The following SLC44A5 variants were observed in gnomAD, a reference collection of about 807,000 sequenced individuals.
The protein encoded by SLC44A5 is solute carrier family 44 member 5.
SLC44A5 carries 57 observed loss-of-function variants against 101.8 expected under a neutral mutation model. The ratio of observed to expected loss-of-function variants is 0.56; its 90% confidence interval spans 0.45 to 0.70. SLC44A5 has a LOEUF of 0.70. Ranked by LOEUF, SLC44A5 falls within the 30% of genes least tolerant of loss-of-function variation. The pLI is 0.00. For missense variants in SLC44A5, 737 were observed against 853.1 expected (o/e 0.86, Z 1.70); for synonymous variants, 281 against 290.9 (o/e 0.97, Z 0.35).
chr1:75,210,102 A>G (rs1018851424), intron 23 of SLC44A5, among the ~76,000 whole-genome samples: 2 of 151,888 alleles, frequency 1.3e-5, no homozygotes, highest in African/African-American at 4.8e-5. Flanking sequence ...GCTGGAATAC[A>G]GTGGCACTAT....
At chr1:75,238,172 T>A (rs1282171104) in intron 10 of SLC44A5, among the ~76,000 whole-genome samples, 8 of 149,034 alleles carry the variant, frequency 5.4e-5, no homozygotes, top group South Asian at 2.1e-4. Flanking sequence ...TTTTTTTTTT[T>A]AAATCCCAGC....
chr1:75,210,122 C>T (rs1258875829), intron 23 of SLC44A5, among the ~76,000 whole-genome samples: 1 of 151,918 alleles, frequency 6.6e-6, no homozygotes, highest in Non-Finnish European at 1.5e-5. Context: ...TCATAGCTCA[C>T]TGCAGCCTTG....
chr1:75,610,989 G>C (rs746735780), intron 1 of SLC44A5, 51 bp downstream of exon 1: 2 of 855,432 alleles, frequency 2.3e-6, no homozygotes, highest in Non-Finnish European at 2.8e-6. Context: ...TAACAAACTT[G>C]ACCAATTTTC....
At chr1:75,428,953 T>C (rs547804459) in intron 2 of SLC44A5, among the ~76,000 whole-genome samples, 1 of 152,318 alleles carries the variant, frequency 6.6e-6, no homozygotes, top group South Asian at 2.1e-4. Context: ...TTAAAGAGCA[T>C]ACACCATATA....
intron 2 of SLC44A5, among the ~76,000 whole-genome samples, chr1:75,421,407 A>T (rs569137975): frequency 3.9e-4 from 59 of 152,238 alleles, no homozygotes; most frequent in African/African-American, 1.3e-3. Context: ...CTAGTTAGAG[A>T]TTTTTATGTA....
At chr1:75,600,044 G>A (rs535848143) in intron 1 of SLC44A5, among the ~76,000 whole-genome samples, 2 of 152,242 alleles carry the variant, frequency 1.3e-5, no homozygotes, top group African/African-American at 2.4e-5. Context: ...AAGCTAGGTC[G>A]AAAGCAAGGA....
chr1:75,389,690 A>G (rs1217964101), intron 3 of SLC44A5, among the ~76,000 whole-genome samples: 2 of 152,202 alleles, frequency 1.3e-5, no homozygotes, highest in Admixed American at 1.3e-4. Flanking sequence ...TTATAGCACT[A>G]CATACCTATA....
chr1:75,699,671 T>G, the SLC44A5 span, among the ~76,000 whole-genome samples: 2 of 148,554 alleles, frequency 1.3e-5, no homozygotes, highest in Non-Finnish European at 3.0e-5. Flanking sequence ...TAACCTTAAA[T>G]GTAAATGAGC....
the SLC44A5 span, among the ~76,000 whole-genome samples, chr1:75,658,997 CT>C: frequency 6.6e-6 from 1 of 151,982 alleles, no homozygotes; most frequent in Non-Finnish European, 1.5e-5. Context: ...TTATAAACAT[CT>C]ATATGCCAAT....
intron 2 of SLC44A5, among the ~76,000 whole-genome samples, chr1:75,502,348 A>T (rs1307931668): frequency 6.6e-6 from 1 of 152,210 alleles, no homozygotes; most frequent in Non-Finnish European, 1.5e-5. Context: ...AACACTGATC[A>T]AAGGACAGAA....
intron 11 of SLC44A5, among the ~76,000 whole-genome samples, chr1:75,234,898 G>C (rs1339165525): frequency 6.6e-6 from 1 of 152,056 alleles, no homozygotes; most frequent in Non-Finnish European, 1.5e-5. Context: ...TTTCCTCAAA[G>C]AGAACTCATT....
At chr1:75,327,748 C>T (rs1424268687) in intron 4 of SLC44A5, among the ~76,000 whole-genome samples, 1 of 152,176 alleles carries the variant, frequency 6.6e-6, no homozygotes. Flanking sequence ...TAATATATTT[C>T]CCCATTAATT....
intron 1 of SLC44A5, among the ~76,000 whole-genome samples, chr1:75,605,990 C>T (rs1006644272): frequency 1.3e-5 from 2 of 152,062 alleles, no homozygotes; most frequent in African/African-American, 4.8e-5. Flanking sequence ...TCCCTGGTCT[C>T]TACCCACTGG....
intron 5 of SLC44A5, among the ~76,000 whole-genome samples, chr1:75,299,588 T>A (rs1257942395): frequency 6.6e-6 from 1 of 152,204 alleles, no homozygotes; most frequent in Non-Finnish European, 1.5e-5. Flanking sequence ...ATATTAAAGT[T>A]TCCTAAGTCA....
At chr1:75,443,153 G>A (rs148271637) in intron 2 of SLC44A5, among the ~76,000 whole-genome samples, 5 of 151,978 alleles carry the variant, frequency 3.3e-5, no homozygotes, top group Non-Finnish European at 7.4e-5. Flanking sequence ...AATTTCCTAT[G>A]GTTTAAGCTA....
At chr1:75,699,228 A>T in the SLC44A5 span, among the ~76,000 whole-genome samples, 1 of 152,120 alleles carries the variant, frequency 6.6e-6, no homozygotes, top group African/African-American at 2.4e-5. Context: ...GAAATGAAGG[A>T]AAAAATGTTA....
the SLC44A5 span, among the ~76,000 whole-genome samples, chr1:75,691,236 C>CA: frequency 6.6e-6 from 1 of 152,162 alleles, no homozygotes; most frequent in Middle Eastern, 3.2e-3. Flanking sequence ...GAGGAAAACT[C>CA]AAAATTTAGT....
intron 23 of SLC44A5, among the ~76,000 whole-genome samples, chr1:75,210,906 TAAC>T (rs756773104): frequency 1.1e-4 from 17 of 152,198 alleles, no homozygotes; most frequent in Non-Finnish European, 2.5e-4. Flanking sequence ...AATTAATAAA[TAAC>T]AACTGTAAAT....
At chr1:75,344,059 C>A (rs1658077281) in intron 3 of SLC44A5, among the ~76,000 whole-genome samples, 1 of 152,006 alleles carries the variant, frequency 6.6e-6, no homozygotes, top group African/African-American at 2.4e-5. Flanking sequence ...TTTTCATATT[C>A]ATATTCTGTT....
Sources: allele counts gnomAD v4.1 joint callset (sites outside exome capture counted in the v4.1 genomes callset), GRCh38; gene constraint gnomAD v4.1.1; transcripts MANE v1.5; gene names NCBI Gene and HGNC (gene_info 2026-07-23, HGNC 2026-07-21).